MICAL2: variants seen among roughly 807,000 people sequenced by gnomAD.
MICAL2 encodes microtubule associated monooxygenase, calponin and LIM domain containing 2.
A neutral mutation model predicts 127.3 loss-of-function variants in MICAL2; 77 were observed. The ratio of observed to expected loss-of-function variants is 0.60; its 90% CI spans 0.50 to 0.73. MICAL2 has a LOEUF of 0.73. Ranked by LOEUF, MICAL2 falls within the 30% of genes least tolerant of loss-of-function variation. The pLI is 0.00. For missense variants in MICAL2, 1,351 were observed against 1,434.4 expected (o/e 0.94, Z 0.94); for synonymous variants, 570 against 551.1 (o/e 1.03, Z -0.48).
chr11:12,336,914 CTT>C (rs1401145514), intron 32 of MICAL2, among the ~76,000 whole-genome samples: 3 of 152,014 alleles, frequency 2.0e-5, no homozygotes, highest in Non-Finnish European at 4.4e-5. Context: ...CTAAAATTCT[CTT>C]TTTTTGTTGT....
downstream of MICAL2, among the ~76,000 whole-genome samples, chr11:12,295,368 G>T (rs1254863346): frequency 1.3e-5 from 2 of 151,232 alleles, no homozygotes; most frequent in Non-Finnish European, 2.9e-5. Flanking sequence ...TTAAACTCCT[G>T]GCCTCAGGTG....
At chr11:12,233,602 T>G (rs1858610297) in intron 15 of MICAL2, among the ~76,000 whole-genome samples, 1 of 152,246 alleles carries the variant, frequency 6.6e-6, no homozygotes, top group Non-Finnish European at 1.5e-5. Context: ...CTTTGATTTT[T>G]TTTAATAGGA....
At chr11:12,314,819 C>T (rs1036700120) in intron 29 of MICAL2, among the ~76,000 whole-genome samples, 6 of 151,954 alleles carry the variant, frequency 3.9e-5, no homozygotes, top group African/African-American at 1.2e-4. Context: ...CTTCTTTCAA[C>T]TTTTGTGTGA....
intron 3 of MICAL2, among the ~76,000 whole-genome samples, chr11:12,167,424 C>T (rs1436150796): frequency 6.6e-6 from 1 of 152,158 alleles, no homozygotes; most frequent in Non-Finnish European, 1.5e-5. Flanking sequence ...CCCCAGTTTC[C>T]TCCGTAGATC....
chr11:12,193,268 C>T (rs536705976), intron 3 of MICAL2, among the ~76,000 whole-genome samples: 16 of 152,344 alleles, frequency 1.1e-4, no homozygotes, highest in Non-Finnish European at 1.5e-4. Context: ...GGTCCAGATA[C>T]GGCTGTAGAA....
intron 3 of MICAL2, among the ~76,000 whole-genome samples, chr11:12,199,112 TG>T (rs2134084915): frequency 6.6e-6 from 1 of 152,346 alleles, no homozygotes; most frequent in East Asian, 1.9e-4. Flanking sequence ...ATTTGTTATG[TG>T]ACTTTAAAGA....
At chr11:12,218,746 G>A (rs779228078) in intron 8 of MICAL2, among the ~76,000 whole-genome samples, 1 of 152,166 alleles carries the variant, frequency 6.6e-6, no homozygotes, top group Non-Finnish European at 1.5e-5. Context: ...TTTGAATGGG[G>A]GAAATATGAG....
chr11:12,195,205 C>T (rs747800277), intron 3 of MICAL2, among the ~76,000 whole-genome samples: 11 of 152,074 alleles, frequency 7.2e-5, no homozygotes, highest in Non-Finnish European at 1.0e-4. Flanking sequence ...TGCAGTGAGC[C>T]GTGATTGTGG....
intron 33 of MICAL2, among the ~76,000 whole-genome samples, chr11:12,352,449 G>C (rs1324037793): frequency 6.6e-6 from 1 of 152,240 alleles, no homozygotes; most frequent in Non-Finnish European, 1.5e-5. Flanking sequence ...GAGAGTCAGG[G>C]AGGCACGGCT....
chr11:12,285,512 C>A (rs1247175666), intron 2 of MICAL2, among the ~76,000 whole-genome samples: 1 of 152,180 alleles, frequency 6.6e-6, no homozygotes, highest in Non-Finnish European at 1.5e-5. Flanking sequence ...AAAGTTAGTT[C>A]AGCCTACGCC....
chr11:12,216,219 G>A lies in MICAL2; in HGVS notation c.848G>A (p.Gly283Asp), dbSNP rs1005909659. 4.4e-6 allele frequency: 7 copies of A among 1,609,116 alleles called. No individual in the cohort carries two copies. The highest frequency in any genetic ancestry group is 6.0e-6 in the Non-Finnish European group (7 of 1,175,486). ...KFFQDLKEETGIDLENIVYYK... is the reference protein window; with the variant it reads ...KFFQDLKEETDIDLENIVYYK... ...AGCTTGTGAATGCTTCTCTTTTCAGGCATAGATCTTGAGAACATTGTTTAC... is the reference window on the plus strand; with the variant it reads ...AGCTTGTGAATGCTTCTCTTTTCAGACATAGATCTTGAGAACATTGTTTAC... The change falls in exon 8 of 28, where the codon GGC becomes GAC. Residue 283 changes from glycine (G) to aspartate (D), a missense_variant and splice_region_variant. By Grantham distance (94) the Gly-to-Asp change is moderately conservative. Transcript: ENST00000683283.
At chr11:12,351,542 A>G (rs532898434) in intron 33 of MICAL2, among the ~76,000 whole-genome samples, 4 of 152,336 alleles carry the variant, frequency 2.6e-5, no homozygotes, top group African/African-American at 9.6e-5. Context: ...CCCTAGAACT[A>G]TGGCAAGGCT....
chr11:12,314,533 C>T (rs1864210799), intron 29 of MICAL2, among the ~76,000 whole-genome samples: 1 of 151,822 alleles, frequency 6.6e-6, no homozygotes, highest in Non-Finnish European at 1.5e-5. Context: ...GGCTGGAGTG[C>T]AGTGGCGCGA....
At chr11:12,233,830 G>A (rs17479629) in intron 15 of MICAL2, among the ~76,000 whole-genome samples, 1 of 152,094 alleles carries the variant, frequency 6.6e-6, no homozygotes, top group Non-Finnish European at 1.5e-5. Flanking sequence ...CAAGGAAAAG[G>A]GAGTACTGAA....
intron 4 of MICAL2, among the ~76,000 whole-genome samples, chr11:12,207,293 C>T (rs1854824829): frequency 6.6e-6 from 1 of 152,214 alleles, no homozygotes; most frequent in Non-Finnish European, 1.5e-5. Context: ...CTGTGCCTAG[C>T]ATGGCACCTG....
At chr11:12,344,703 A>G (rs112590925) in intron 32 of MICAL2, among the ~76,000 whole-genome samples, 75,812 of 149,486 alleles carry the variant, frequency 0.51, 20,232 homozygotes, top group Non-Finnish European at 0.61. Context: ...GTTTCACCAT[A>G]TTGGCTCAGC....
intron 26 of MICAL2, chr11:12,260,170 T>C: frequency 6.7e-7 from 1 of 1,503,216 alleles, no homozygotes; most frequent in Non-Finnish European, 8.9e-7. Context: ...CAAGCTCCGC[T>C]GACATGGCTG....
chr11:12,132,121 A>G (rs756199948), intron 1 of MICAL2, among the ~76,000 whole-genome samples: 4 of 152,170 alleles, frequency 2.6e-5, no homozygotes, highest in Admixed American at 6.5e-5. Flanking sequence ...GGCAACACCC[A>G]TCCTCCTACC....
At chr11:12,211,834 C>T (rs570094524) in intron 6 of MICAL2, among the ~76,000 whole-genome samples, 5 of 152,318 alleles carry the variant, frequency 3.3e-5, no homozygotes, top group East Asian at 1.9e-4. Context: ...CCTGCAGAAA[C>T]GGTCCAATGG....
Sources: allele counts gnomAD v4.1 joint callset (sites outside exome capture counted in the v4.1 genomes callset), GRCh38; gene constraint gnomAD v4.1.1; transcripts MANE v1.5; gene names NCBI Gene and HGNC (gene_info 2026-07-23, HGNC 2026-07-21).